The following HMCN1 variants were observed in gnomAD, a reference collection of about 807,000 sequenced individuals.
The protein encoded by HMCN1 is hemicentin 1, also known as hemicentin-1.
Under a neutral mutation model 625.9 loss-of-function variants are expected in HMCN1, and 321 were observed. That is an observed-to-expected ratio of 0.51 (90% confidence interval 0.47 to 0.56). HMCN1 has a LOEUF of 0.56. HMCN1 is among the 20% of genes least tolerant of loss of function. The pLI, the probability that HMCN1 is intolerant of heterozygous loss-of-function variation, is 0.00. For synonymous variants in HMCN1, 2,425 were observed against 2,417.6 expected, an observed-to-expected ratio of 1.00 and a Z score of -0.09; for missense variants, 6,588 against 6,887.3, an observed-to-expected ratio of 0.96 and a Z score of 1.54.
rs538809023 is a variant in HMCN1, at chr1:186,114,050, A to G, written c.11203A>G (p.Ile3735Val). The G allele has an allele frequency of 1.9e-6, 3 of 1,614,186 alleles. No homozygotes were observed. The highest frequency in any genetic ancestry group is 1.7e-5 in the Admixed American group (1 of 60,030). Residue 3735 changes from isoleucine (I) to valine (V), a missense_variant, in exon 73 of 107, where the codon ATC becomes GTC. Ile to Val is a conservative substitution (Grantham distance 29). Coordinates refer to ENST00000271588, the MANE Select transcript of HMCN1 (RefSeq NM_031935.3). Reference protein sequence around the residue: ...LLNKSTVLECIAEGVPTPRIT... With the variant: ...LLNKSTVLECVAEGVPTPRIT... ...AAATAAGTCAACTGTATTGGAATGC[A>G]TCGCTGAAGGTGTGCCAACTCCAAG...
At chr1:186,160,354 A>G (rs1651366915) in intron 97 of HMCN1, among the ~76,000 whole-genome samples, 1 of 145,740 alleles carries the variant, frequency 6.9e-6, no homozygotes, top group Non-Finnish European at 1.5e-5. Flanking sequence ...AATTTTGTTG[A>G]TCCTTTCAAA....
chr1:186,169,480 A>T (rs1233950273), intron 100 of HMCN1, among the ~76,000 whole-genome samples: 1 of 152,200 alleles, frequency 6.6e-6, no homozygotes, highest in East Asian at 1.9e-4. Flanking sequence ...TGGTACTGGT[A>T]CCAGAATAGA....
At chr1:185,797,888 C>G (rs1357267841) in intron 1 of HMCN1, among the ~76,000 whole-genome samples, 1 of 131,968 alleles carries the variant, frequency 7.6e-6, no homozygotes, top group Non-Finnish European at 1.5e-5. Flanking sequence ...ATGGTGTGAA[C>G]CCGGGAGGCG....
Position 186,053,853 on chromosome 1 carries a change from G to A in HMCN1, c.6729G>A (p.Gly2243=), listed in dbSNP as rs754253805. 6.2e-7 allele frequency: 1 copy of A among 1,612,616 alleles called. No homozygotes were observed. The highest frequency in any genetic ancestry group is 2.2e-5 in the East Asian group (1 of 44,774). Reference sequence around the variant, plus strand: ...CTCCAGTGCTGACTGATTCCATGGGGCGAGTTAGAATTTTATCTGGGGGCA... The same window carrying A: ...CTCCAGTGCTGACTGATTCCATGGGACGAGTTAGAATTTTATCTGGGGGCA... ...KGSPVLTDSM[G]RVRILSGGRQ... Residue 2243 remains glycine (G), a synonymous_variant, in exon 44 of 107, where the codon GGG becomes GGA. Transcript: ENST00000271588.
rs750708451 is a variant in HMCN1 at position 186,003,823 on chromosome 1, T to C, written c.4454T>C (p.Ile1485Thr). The C allele has an allele frequency of 2.0e-5, 32 of 1,613,190 alleles. No homozygotes were observed. In the African/African-American group the frequency reaches 2.9e-4, roughly 15 times the overall value. ...GTCAAAGGCACTCCCTTTCCTGATA[T>C]TCATTGGTTCAAAGATGGCAAGTGA... Reference protein sequence around the residue: ...CQVKGTPFPDIHWFKDGKPLF... With the variant: ...CQVKGTPFPDTHWFKDGKPLF... Residue 1485 changes from isoleucine to threonine, a missense_variant, in exon 29 of 107, where the codon ATT becomes ACT. Ile to Thr is a moderately conservative substitution (Grantham distance 89, BLOSUM62 -1). This residue lies in a region of HMCN1 where 4,628 missense variants were observed against 4,853.1 expected (regional missense o/e 0.95). Transcript: ENST00000271588.
At chr1:185,832,690 A>G (rs1391125289) in intron 1 of HMCN1, among the ~76,000 whole-genome samples, 1 of 152,218 alleles carries the variant, frequency 6.6e-6, no homozygotes, top group South Asian at 2.1e-4. Flanking sequence ...AGAGAATTCT[A>G]TACAACTTTA....
At chr1:185,880,539 G>T (rs1287014767) in intron 4 of HMCN1, among the ~76,000 whole-genome samples, 1 of 152,156 alleles carries the variant, frequency 6.6e-6, no homozygotes, top group African/African-American at 2.4e-5. Context: ...ATTTGAGAAA[G>T]TTGCCTGACC....
At chr1:186,063,078 A>ATATATATG (rs1657844299) in intron 48 of HMCN1, among the ~76,000 whole-genome samples, 2 of 93,352 alleles carry the variant, frequency 2.1e-5, no homozygotes. Flanking sequence ...ATATATATAT[A>ATATATATG]TATATATATA....
intron 105 of HMCN1, among the ~76,000 whole-genome samples, chr1:186,184,298 T>C (rs1653138545): frequency 2.0e-5 from 3 of 152,232 alleles, no homozygotes; most frequent in African/African-American, 7.2e-5. Context: ...TTAGAAAGTG[T>C]TTGAGGCATT....
chr1:186,083,982 C>T (rs1659325173), intron 57 of HMCN1, among the ~76,000 whole-genome samples: 1 of 152,122 alleles, frequency 6.6e-6, no homozygotes, highest in African/African-American at 2.4e-5. Flanking sequence ...TGTGAAAGCA[C>T]ACATTCTAAT....
chr1:186,006,663 G>T (rs1040958208), intron 29 of HMCN1, among the ~76,000 whole-genome samples: 2 of 151,436 alleles, frequency 1.3e-5, no homozygotes, highest in African/African-American at 4.8e-5. Flanking sequence ...AACCATTCAT[G>T]ATATTGTGAA....
chr1:185,762,036 A>C (rs1334743888), intron 1 of HMCN1, among the ~76,000 whole-genome samples: 1 of 152,156 alleles, frequency 6.6e-6, no homozygotes, highest in Non-Finnish European at 1.5e-5. Context: ...CAGCTTTACC[A>C]GTTCAGGAAG....
In HMCN1 at chr1:186,027,281, A is replaced by G. The variant is rs539789550; in HGVS notation, c.5749+4128A>G. ...TGGTCTTTTTGATCATCAAAGTTTA[A>G]TAATTCTGGAAGTTTTTATTCCCTA... On this transcript the variant is annotated intron_variant, in intron 36 of 106. Transcript: ENST00000271588. Among the ~76,000 whole-genome samples the G allele has an allele frequency of 8.9e-4, 135 of 152,274 alleles. 1 individual carries two copies. Among genetic ancestry groups the G allele is most frequent in the African/African-American group, 3.0e-3 (123 of 41,560 alleles).
intron 20 of HMCN1, among the ~76,000 whole-genome samples, chr1:185,988,742 G>A (rs1210137991): frequency 6.6e-6 from 1 of 152,136 alleles, no homozygotes; most frequent in Non-Finnish European, 1.5e-5. Flanking sequence ...ACCACTGATG[G>A]GCTTTGTGAT....
At chr1:185,972,994 G>C (rs923602120) in intron 15 of HMCN1, among the ~76,000 whole-genome samples, 7 of 152,048 alleles carry the variant, frequency 4.6e-5, no homozygotes, top group Non-Finnish European at 8.8e-5. Context: ...ATCACTATTA[G>C]GTTTAAAGGT....
intron 15 of HMCN1, 78 bp from the exon 16 acceptor site, chr1:185,977,705 TGACA>T (rs1651317107): frequency 1.1e-6 from 1 of 887,562 alleles, no homozygotes; most frequent in Middle Eastern, 2.3e-4. Flanking sequence ...TTCAATGATT[TGACA>T]GTTTAATATT....
chr1:186,009,232 T>A (rs1488295358), intron 30 of HMCN1, among the ~76,000 whole-genome samples: 1 of 152,196 alleles, frequency 6.6e-6, no homozygotes, highest in Non-Finnish European at 1.5e-5. Flanking sequence ...AAGACTCTTA[T>A]TTCCATGGGA....
At chr1:185,923,075 C>T (rs866485685) in intron 7 of HMCN1, among the ~76,000 whole-genome samples, 1 of 152,028 alleles carries the variant, frequency 6.6e-6, no homozygotes, top group South Asian at 2.1e-4. Flanking sequence ...ATTTTTATTG[C>T]TGCATTTTCT....
Position 185,864,516 on chromosome 1 carries a change from C to G in HMCN1, c.386C>G (p.Ala129Gly). ...ATGAGTATTGGAGCTATAAAAATTG[C>G]CTTGGAAATTTCTCTTCCTGGTTCT... ...PEMSIGAIKI[A>G]LEISLPGSFI... The change falls in exon 3 of 107, where the codon GCC (alanine) becomes GGC (glycine). Residue 129 changes from alanine to glycine, a missense_variant. Around this residue, in one of 3 missense-constraint regions of HMCN1, gnomAD observed 4,628 missense variants for 4,853.1 expected, o/e 0.95. Coordinates refer to ENST00000271588, the MANE Select transcript of HMCN1 (RefSeq NM_031935.3). 1 of 1,613,992 alleles carries G rather than the reference C, an allele frequency of 6.2e-7. No homozygotes were observed. Among genetic ancestry groups the G allele is most frequent in the Non-Finnish European group, 8.5e-7 (1 of 1,179,940 alleles).
Sources: allele counts gnomAD v4.1 joint callset (sites outside exome capture counted in the v4.1 genomes callset), GRCh38; gene constraint gnomAD v4.1.1; regional missense constraint gnomAD v4.1.1; transcripts MANE v1.5; gene names NCBI Gene and HGNC (gene_info 2026-07-23, HGNC 2026-07-21).